Variants in ITIH5 observed in about 807,000 individuals in gnomAD.
The protein encoded by ITIH5 is inter-alpha-trypsin inhibitor heavy chain 5.
Under a neutral mutation model 77.5 loss-of-function variants are expected in ITIH5, and 65 were observed. That is an observed-to-expected ratio of 0.84 (90% CI 0.69 to 1.03). The LOEUF (loss-of-function observed/expected upper bound fraction) is 1.03. ITIH5 is among the 50% of genes least tolerant of loss of function. ITIH5 has a pLI of 0.00. For missense variants in ITIH5, 1,208 were observed against 1,213.1 expected, an observed-to-expected ratio of 1.00 and a Z score of 0.06; for synonymous variants, 525 against 494.3, an observed-to-expected ratio of 1.06 and a Z score of -0.82.
intron 5 of ITIH5, among the ~76,000 whole-genome samples, chr10:7,636,046 G>A (rs118123388): frequency 6.6e-6 from 1 of 152,170 alleles, no homozygotes; most frequent in East Asian, 1.9e-4. Flanking sequence ...ATTCAACACT[G>A]ACCAGCCTTA....
At chr10:7,617,080 A>G (rs1326160868) in intron 6 of ITIH5, 33 bp downstream of exon 6, 3 of 1,447,214 alleles carry the variant, frequency 2.1e-6, no homozygotes, top group Admixed American at 2.4e-5. Flanking sequence ...GTACCAACCA[A>G]CCAACATGAA....
chr10:7,616,012 ACTG>A lies in ITIH5; in HGVS notation c.906_908del (p.Ser303del). 2.5e-6 allele frequency: 4 copies of A among 1,612,386 alleles called. No individual in the cohort carries two copies. The highest frequency in any genetic ancestry group is 3.4e-6 in the Non-Finnish European group (4 of 1,178,426). ...GGAGTTTGGTTCCCACCATAGAAGC[ACTG>A]CTGTCAAGCACGAATACCACATTCT... On this transcript the variant is annotated inframe_deletion, in exon 7 of 14. Transcript: ENST00000397146.
At chr10:7,636,629 C>T (rs898439794) in intron 5 of ITIH5, among the ~76,000 whole-genome samples, 9 of 152,258 alleles carry the variant, frequency 5.9e-5, no homozygotes, top group African/African-American at 1.2e-4. Flanking sequence ...ATCAAACGAG[C>T]TTGTGCATAT....
At chr10:7,666,723 G>C (rs1834367478) in intron 1 of ITIH5, 80 bp downstream of exon 1, 2 of 1,179,172 alleles carry the variant, frequency 1.7e-6, no homozygotes, top group Non-Finnish European at 2.4e-6. Flanking sequence ...AAGGGGGCCC[G>C]GGCAGAAGCT....
intron 1 of ITIH5, among the ~76,000 whole-genome samples, chr10:7,662,730 A>G (rs1021658551): frequency 2.0e-5 from 3 of 152,190 alleles, no homozygotes; most frequent in Non-Finnish European, 4.4e-5. Flanking sequence ...GGGAGTGACC[A>G]AATCCCTGGA....
intron 5 of ITIH5, among the ~76,000 whole-genome samples, chr10:7,634,088 C>CAAAAAAA (rs752092484): frequency 6.7e-5 from 4 of 60,008 alleles, no homozygotes; most frequent in Non-Finnish European, 9.2e-5. Flanking sequence ...GACTCCGTCT[C>CAAAAAAA]AAAAAAAAAA....
At chr10:7,582,011 G>T (rs1419823928) in intron 8 of ITIH5, among the ~76,000 whole-genome samples, 1 of 151,258 alleles carries the variant, frequency 6.6e-6, no homozygotes, top group South Asian at 2.1e-4. Flanking sequence ...GAGTAGCTGG[G>T]ATTACAGGCA....
intron 2 of ITIH5, among the ~76,000 whole-genome samples, chr10:7,649,676 A>G (rs1834066082): frequency 6.6e-6 from 1 of 152,246 alleles, no homozygotes. Context: ...GAGAACAGAA[A>G]GAACACTCTA....
At chr10:7,608,305 G>C (rs1833172647) in intron 7 of ITIH5, among the ~76,000 whole-genome samples, 1 of 152,140 alleles carries the variant, frequency 6.6e-6, no homozygotes, top group South Asian at 2.1e-4. Flanking sequence ...TTTGTGACAA[G>C]GTCTGGCTCT....
At chr10:7,585,105 G>A (rs1206925105) in intron 8 of ITIH5, among the ~76,000 whole-genome samples, 2 of 152,204 alleles carry the variant, frequency 1.3e-5, no homozygotes, top group African/African-American at 4.8e-5. Flanking sequence ...AATTAACCAG[G>A]AGGTGGTGTC....
chr10:7,577,960 A>G (rs1588367636), intron 9 of ITIH5, among the ~76,000 whole-genome samples: 1 of 152,364 alleles, frequency 6.6e-6, no homozygotes, highest in African/African-American at 2.4e-5. Flanking sequence ...ACAAATGGCT[A>G]TGTGACTATG....
At chr10:7,623,416 G>A (rs1407376807) in intron 5 of ITIH5, among the ~76,000 whole-genome samples, 1 of 152,174 alleles carries the variant, frequency 6.6e-6, no homozygotes, top group South Asian at 2.1e-4. Context: ...CCCTCTGAGG[G>A]TGGCAATAAA....
At chr10:7,655,545 G>A in intron 2 of ITIH5, 86 bp downstream of exon 2, 2 of 1,064,482 alleles carry the variant, frequency 1.9e-6, no homozygotes, top group Non-Finnish European at 2.9e-6. Flanking sequence ...TGTTTTGGAG[G>A]ATCTGCAAGC....
intron 1 of ITIH5, among the ~76,000 whole-genome samples, chr10:7,662,469 G>A (rs1483390845): frequency 1.3e-5 from 2 of 152,178 alleles, no homozygotes; most frequent in Admixed American, 1.3e-4. Context: ...AAAAAGCTCA[G>A]GTCTTCATCC....
At chr10:7,599,641 C>A (rs1219081588) in intron 7 of ITIH5, among the ~76,000 whole-genome samples, 2 of 152,172 alleles carry the variant, frequency 1.3e-5, no homozygotes, top group Non-Finnish European at 2.9e-5. Flanking sequence ...TTTGGTCCAT[C>A]CTACACCTCT....
In ITIH5 at chr10:7,566,193, C is replaced by T. The variant is rs1230920740; in HGVS notation, c.2364G>A (p.Val788=). The change falls in exon 13 of 14, where the codon GTG becomes GTA. Residue 788 remains valine (V), a synonymous_variant. Coordinates refer to ENST00000397146, the MANE Select transcript of ITIH5 (RefSeq NM_030569.7). ...SVVVGSWGLE[V]SVSANANVTV... ...TGACATTGGCGTTGGCAGACACGGA[C>T]ACCTCCAGCCCCCAGCTCCCCACCA... is the stretch of plus-strand genomic sequence containing the variant. 1 of 1,613,868 alleles carries T rather than the reference C, an allele frequency of 6.2e-7. No homozygotes were observed. The highest frequency in any genetic ancestry group is 8.5e-7 in the Non-Finnish European group (1 of 1,179,988).
At chr10:7,645,736 A>T (rs1009243902) in intron 2 of ITIH5, among the ~76,000 whole-genome samples, 7 of 152,174 alleles carry the variant, frequency 4.6e-5, no homozygotes, top group Non-Finnish European at 8.8e-5. Context: ...TCAGGACAAA[A>T]TCTGTCTCTC....
intron 5 of ITIH5, among the ~76,000 whole-genome samples, chr10:7,631,535 T>G (rs17347867): frequency 0.19 from 28,360 of 152,118 alleles, 3,058 homozygotes; most frequent in South Asian, 0.29. Context: ...TTAACGAGCT[T>G]AAGACTGTAT....
rs1199841564 is a variant in ITIH5 at position 7,644,288 on chromosome 10, T to TCATATATATCATACATATCA, written c.136-2218_136-2199dup. Among the ~76,000 whole-genome samples, 783 of 147,904 alleles carry TCATATATATCATACATATCA rather than the reference T, an allele frequency of 5.3e-3. 25 individuals carry two copies. Among genetic ancestry groups the TCATATATATCATACATATCA allele is most frequent in the African/African-American group, 0.019 (738 of 39,642 alleles). On this transcript the variant is annotated intron_variant, in intron 2 of 13. Coordinates refer to ENST00000397146, the MANE Select transcript of ITIH5 (RefSeq NM_030569.7). The stretch of plus-strand genomic sequence containing the variant: ...ACATATATGTGCGTGTGTATATATA[T>TCATATATATCATACATATCA]CATATATATCATACATATCACATAT...
Sources: allele counts gnomAD v4.1 joint callset (sites outside exome capture counted in the v4.1 genomes callset), GRCh38; gene constraint gnomAD v4.1.1; transcripts MANE v1.5; gene names NCBI Gene and HGNC (gene_info 2026-07-23, HGNC 2026-07-21).